The following TRA2A variants were observed in gnomAD, a reference collection of about 807,000 sequenced individuals.
The protein encoded by TRA2A is transformer-2 protein homolog alpha.
A neutral mutation model predicts 45.7 loss-of-function variants in TRA2A; 31 were observed. The observed-to-expected ratio is 0.68, with a 90% CI of 0.51 to 0.92. The LOEUF is 0.92. TRA2A is among the 40% of genes least tolerant of loss of function. The pLI, the probability that TRA2A is intolerant of heterozygous loss-of-function variation, is 0.00. For missense variants in TRA2A, 304 were observed against 367.5 expected, an observed-to-expected ratio of 0.83 and a Z score of 1.41; for synonymous variants, 132 against 126.2, an observed-to-expected ratio of 1.05 and a Z score of -0.31.
intron 1 of TRA2A, among the ~76,000 whole-genome samples, chr7:23,529,676 A>T (rs968986242): frequency 2.0e-5 from 3 of 152,220 alleles, no homozygotes; most frequent in Non-Finnish European, 4.4e-5. Context: ...GACGAAAAAT[A>T]AAAAGATACA....
chr7:23,519,169 A>G (rs1220268219), intron 2 of TRA2A, among the ~76,000 whole-genome samples: 6 of 152,062 alleles, frequency 3.9e-5, no homozygotes, highest in African/African-American at 1.4e-4. Flanking sequence ...CGAGGCAGGC[A>G]GATCACAAGG....
chr7:23,531,946 A>T lies in TRA2A; in HGVS notation c.-122T>A. The T allele has an allele frequency of 9.5e-7, 1 of 1,051,656 alleles. No homozygotes were observed. The highest frequency in any genetic ancestry group is 2.5e-5 in the East Asian group (1 of 40,480). The allele number at this position is 1,051,656 out of a possible 1,614,324, so 65.1% of individuals were successfully genotyped here. On this transcript the variant is annotated 5_prime_UTR_variant, in exon 1 of 8. Transcript: ENST00000297071. ...AAGAGTCGGCAACCACAGCCGCTCC[A>T]CTCCACTCCCACTCGGTCGCAGGCT...
chr7:23,508,428 C>T (rs1364427975), intron 4 of TRA2A, among the ~76,000 whole-genome samples: 2 of 152,128 alleles, frequency 1.3e-5, no homozygotes, highest in Non-Finnish European at 2.9e-5. Context: ...CCACCATGCT[C>T]GGCTAATTAA....
chr7:23,514,145 G>A (rs1022112202), intron 3 of TRA2A, among the ~76,000 whole-genome samples: 13 of 148,334 alleles, frequency 8.8e-5, no homozygotes, highest in African/African-American at 2.5e-4. Context: ...TTGGCTCACC[G>A]CAACCTCCAC....
chr7:23,506,999 G>C (rs962731888), intron 5 of TRA2A, among the ~76,000 whole-genome samples: 1 of 152,112 alleles, frequency 6.6e-6, no homozygotes, highest in African/African-American at 2.4e-5. Flanking sequence ...TCGTGATCTC[G>C]TGATCCACCC....
intron 1 of TRA2A, among the ~76,000 whole-genome samples, chr7:23,524,323 A>G (rs1790254706): frequency 6.6e-6 from 1 of 151,928 alleles, no homozygotes; most frequent in Non-Finnish European, 1.5e-5. Flanking sequence ...AGCTGGGATT[A>G]CAGGCATGCA....
intron 2 of TRA2A, among the ~76,000 whole-genome samples, chr7:23,520,706 TTA>T (rs1491409795): frequency 6.1e-5 from 9 of 148,346 alleles, no homozygotes; most frequent in Admixed American, 4.0e-4. Flanking sequence ...TTTTTTTTTT[TTA>T]AAAAGAAAGA....
intron 4 of TRA2A, among the ~76,000 whole-genome samples, chr7:23,508,548 G>A (rs572104943): frequency 9.2e-5 from 14 of 152,332 alleles, no homozygotes; most frequent in African/African-American, 3.4e-4. Flanking sequence ...AGGCTGGAGT[G>A]CAATGGCGTG....
chr7:23,506,536 T>C (rs536690638), intron 5 of TRA2A: 12 of 400,584 alleles, frequency 3.0e-5, no homozygotes, highest in African/African-American at 1.6e-4. Context: ...TTTCAACAAA[T>C]TGAAACGATG....
At chr7:23,511,396 A>AAG (rs1789606166) in intron 4 of TRA2A, among the ~76,000 whole-genome samples, 7 of 31,036 alleles carry the variant, frequency 2.3e-4, no homozygotes, top group Non-Finnish European at 5.0e-4. Context: ...AAAAAAAAAA[A>AAG]AAAAAAAAAA....
intron 2 of TRA2A, among the ~76,000 whole-genome samples, chr7:23,519,704 T>C (rs531486569): frequency 2.0e-5 from 3 of 152,236 alleles, no homozygotes; most frequent in South Asian, 2.1e-4. Flanking sequence ...TCAAGCAAAA[T>C]TTTTTTGCAC....
intron 4 of TRA2A, among the ~76,000 whole-genome samples, chr7:23,511,370 C>CAAAAAAAAAAAAAAAAAAAAAAA (rs567187750): frequency 1.5e-4 from 6 of 40,116 alleles, no homozygotes; most frequent in South Asian, 1.4e-3. Flanking sequence ...GACTCCATCT[C>CAAAAAAAAAAAAAAAAAAAAAAA]AAAAAAAAAA....
chr7:23,510,094 T>C (rs367643143), intron 4 of TRA2A, among the ~76,000 whole-genome samples: 4 of 152,274 alleles, frequency 2.6e-5, no homozygotes, highest in East Asian at 1.9e-4. Flanking sequence ...TCACTTCAGA[T>C]TGCCTGTCCC....
intron 1 of TRA2A, among the ~76,000 whole-genome samples, chr7:23,522,726 A>T (rs1790184923): frequency 6.6e-6 from 1 of 152,142 alleles, no homozygotes; most frequent in Admixed American, 6.5e-5. Context: ...ATATAATTCA[A>T]ATATAAATCT....
At chr7:23,508,251 A>T (rs1011958248) in intron 4 of TRA2A, among the ~76,000 whole-genome samples, 2 of 145,404 alleles carry the variant, frequency 1.4e-5, no homozygotes, top group Admixed American at 1.4e-4. Context: ...TCTCCGTAAG[A>T]GTGTCCCATA....
intron 4 of TRA2A, among the ~76,000 whole-genome samples, chr7:23,508,362 G>T (rs1162382654): frequency 6.7e-6 from 1 of 150,018 alleles, no homozygotes; most frequent in African/African-American, 2.5e-5. Context: ...CAAACTTCTT[G>T]GCTTATGCAA....
chr7:23,513,259 C>T (rs111708169), intron 3 of TRA2A, among the ~76,000 whole-genome samples, 177 bp from the exon 4 acceptor site: 55 of 152,262 alleles, frequency 3.6e-4, no homozygotes, highest in African/African-American at 1.2e-3. Context: ...ATTCACAGTA[C>T]ACCCAAGGCC....
At chr7:23,506,517 T>G in intron 5 of TRA2A, 1 of 422,274 alleles carries the variant, frequency 2.4e-6, no homozygotes. Flanking sequence ...ACTGCCCAAA[T>G]TAAAATCTTT....
rs145951358 is a variant in TRA2A, at chr7:23,524,785, G to T, written c.37-2945C>A. Among the ~76,000 whole-genome samples the T allele has an allele frequency of 8.4e-3, 1,268 of 151,758 alleles. 15 individuals carry two copies. The highest frequency in any genetic ancestry group is 0.029 in the African/African-American group (1,217 of 41,358). On this transcript the variant is annotated intron_variant, in intron 1 of 7. Transcript: ENST00000297071. ...CAGCTCACTGCAACCTCCGCCTCCC[G>T]GATTCAAGCGATTCTCCTGCCTTAG...
Sources: allele counts gnomAD v4.1 joint callset (sites outside exome capture counted in the v4.1 genomes callset), GRCh38; gene constraint gnomAD v4.1.1; transcripts MANE v1.5; gene names NCBI Gene and HGNC (gene_info 2026-07-23, HGNC 2026-07-21).